Variants in DZANK1 observed in about 807,000 individuals in gnomAD.
DZANK1 encodes the protein double zinc ribbon and ankyrin repeat domains 1.
Under a neutral mutation model 94.5 loss-of-function variants are expected in DZANK1, and 91 were observed. That is an observed-to-expected ratio of 0.96 (90% CI 0.81 to 1.15). The LOEUF is 1.15. Among genes scored for constraint, DZANK1 ranks in the 50% most tolerant of loss-of-function variants. DZANK1 has a pLI of 0.00. For missense variants in DZANK1, 903 were observed against 916.4 expected, an observed-to-expected ratio of 0.99 and a Z score of 0.19; for synonymous variants, 312 against 325.3, an observed-to-expected ratio of 0.96 and a Z score of 0.44.
exon 2 of DZANK1, chr20:18,465,318 A>G: frequency 6.2e-7 from 1 of 1,611,754 alleles, no homozygotes; most frequent in East Asian, 2.2e-5. Flanking sequence ...AGGCACTCGT[A>G]ATGGTATGAT....
chr20:18,396,544 A>G, exon 15 of DZANK1: 1 of 1,611,996 alleles, frequency 6.2e-7, no homozygotes, highest in Non-Finnish European at 8.5e-7. Context: ...TAGCAGAGAT[A>G]AGCTTTTAAA....
At chr20:18,424,816 A>G (rs1002309229) in intron 10 of DZANK1, among the ~76,000 whole-genome samples, 2 of 152,238 alleles carry the variant, frequency 1.3e-5, no homozygotes, top group South Asian at 4.1e-4. Flanking sequence ...GTACCTGTGG[A>G]TGAATCAACC....
At chr20:18,453,046 C>T (rs889943699) in intron 5 of DZANK1, among the ~76,000 whole-genome samples, 7 of 152,196 alleles carry the variant, frequency 4.6e-5, no homozygotes, top group South Asian at 2.1e-4. Flanking sequence ...CTCCCAAGAG[C>T]ACACTGCAGC....
At chr20:18,389,612 G>A in intron 19 of DZANK1, 89 bp downstream of exon 19, 2 of 1,517,688 alleles carry the variant, frequency 1.3e-6, no homozygotes, top group Non-Finnish European at 1.8e-6. Context: ...ACTGAACAGG[G>A]TGTGTGTGTA....
chr20:18,398,218 T>A, intron 14 of DZANK1: 1 of 364,468 alleles, frequency 2.7e-6, no homozygotes, highest in Non-Finnish European at 5.2e-6. Context: ...ACGATCTGGA[T>A]GGATTAAATT....
intron 14 of DZANK1, among the ~76,000 whole-genome samples, chr20:18,397,060 T>C (rs2056384148): frequency 6.6e-6 from 1 of 152,210 alleles, no homozygotes; most frequent in African/African-American, 2.4e-5. Context: ...TTGTGGACCA[T>C]ATGTTCTGTA....
In DZANK1 at chr20:18,393,909, TAA is replaced by T. The variant is rs2056169167; in HGVS notation, c.1709-100_1709-99del. The T allele has an allele frequency of 4.9e-6, 4 of 809,046 alleles. No individual in the cohort carries two copies. The East Asian group carries it at 1.0e-4, about 20-fold the overall frequency. 50.1% of individuals were successfully genotyped at this position (809,046 alleles called of 1,614,324 possible). On this transcript the variant is annotated intron_variant, in intron 16 of 20. Coordinates refer to ENST00000262547, the Ensembl canonical transcript of DZANK1. Reference sequence around the variant, plus strand: ...TCCACGTCCCTCAAAAGTCAGAGGATAAAATGGCTATCATAGAAATTTCTATT... The same window carrying T: ...TCCACGTCCCTCAAAAGTCAGAGGATAATGGCTATCATAGAAATTTCTATT...
intron 17 of DZANK1, 137 bp from the exon 18 acceptor site, chr20:18,390,596 T>G: frequency 1.4e-6 from 1 of 731,094 alleles, no homozygotes; most frequent in Non-Finnish European, 2.3e-6. Context: ...GTGTGAGTGG[T>G]CTTTAATAGC....
intron 12 of DZANK1, chr20:18,413,146 T>C (rs2057336115): frequency 4.5e-6 from 2 of 446,912 alleles, no homozygotes; most frequent in Non-Finnish European, 8.0e-6. Context: ...TGTAATCCAA[T>C]AGAGCATAGA....
chr20:18,406,720 G>T (rs146778341), intron 13 of DZANK1, among the ~76,000 whole-genome samples: 2 of 152,226 alleles, frequency 1.3e-5, no homozygotes, highest in African/African-American at 4.8e-5. Context: ...TGAACACAGT[G>T]GGGGAGAGCA....
intron 19 of DZANK1, 41 bp from the exon 20 acceptor site, chr20:18,385,131 C>T (rs374174867): frequency 1.1e-4 from 164 of 1,543,218 alleles, no homozygotes; most frequent in Non-Finnish European, 1.4e-4. Context: ...CCTTAGTTAG[C>T]ATCATCAGGA....
At chr20:18,462,886 C>T (rs1356634419) in intron 2 of DZANK1, among the ~76,000 whole-genome samples, 1 of 149,560 alleles carries the variant, frequency 6.7e-6, no homozygotes, top group African/African-American at 2.5e-5. Flanking sequence ...TGCAGTGACC[C>T]AAGATTGCAT....
At chr20:18,446,074 A>AG (rs2148705624) in intron 7 of DZANK1, among the ~76,000 whole-genome samples, 1 of 151,964 alleles carries the variant, frequency 6.6e-6, no homozygotes, top group East Asian at 1.9e-4. Flanking sequence ...CAAAAAAAAA[A>AG]AAAAGAAAAA....
At chr20:18,415,560 GTTTTT>G (rs3830934) in intron 10 of DZANK1, 111 bp from the exon 11 acceptor site, 1 of 1,189,914 alleles carries the variant, frequency 8.4e-7, no homozygotes, top group Non-Finnish European at 1.1e-6. Flanking sequence ...CGGAAATAGT[GTTTTT>G]TTTGTTTTGT....
chr20:18,444,170 T>C (rs2058800067), intron 7 of DZANK1, among the ~76,000 whole-genome samples: 1 of 152,210 alleles, frequency 6.6e-6, no homozygotes, highest in African/African-American at 2.4e-5. Flanking sequence ...TTGGATACTG[T>C]GCACCGGATT....
chr20:18,419,176 C>T (rs955320066), intron 10 of DZANK1, among the ~76,000 whole-genome samples: 11 of 151,180 alleles, frequency 7.3e-5, no homozygotes, highest in Non-Finnish European at 1.5e-5. Flanking sequence ...GCAGGAGAAT[C>T]GCTTGAACCT....
intron 9 of DZANK1, among the ~76,000 whole-genome samples, chr20:18,427,487 C>G: frequency 6.6e-6 from 1 of 152,040 alleles, no homozygotes; most frequent in Non-Finnish European, 1.5e-5. Context: ...CATGCCCAGC[C>G]TGAATGTAGT....
chr20:18,445,117 T>TTTA (rs1601083635), intron 7 of DZANK1, among the ~76,000 whole-genome samples: 1 of 152,216 alleles, frequency 6.6e-6, no homozygotes, highest in East Asian at 1.9e-4. Context: ...AGAAACCAAC[T>TTTA]TTAAATAGAG....
intron 6 of DZANK1, chr20:18,452,012 G>A (rs552693468): frequency 2.2e-4 from 112 of 498,386 alleles, no homozygotes; most frequent in Non-Finnish European, 3.8e-4. Context: ...AACTTCTTAC[G>A]GTCAGACTAG....
Sources: gnomAD v4.1 joint callset for allele counts (sites outside exome capture counted in the v4.1 genomes callset) on GRCh38, gnomAD v4.1.1 for gene constraint, MANE v1.5 for transcripts, NCBI Gene and HGNC (gene_info 2026-07-23, HGNC 2026-07-21) for gene names.